ASTN2: variants seen among roughly 807,000 people sequenced by gnomAD.
ASTN2 encodes the protein astrotactin 2, also known as astrotactin-2.
ASTN2 carries 54 observed loss-of-function variants against 139.8 expected under a neutral mutation model. That is an observed-to-expected ratio of 0.39 (90% CI 0.31 to 0.48). The LOEUF (loss-of-function observed/expected upper bound fraction) is 0.48. Among genes scored for constraint, ASTN2 ranks in the 20% least tolerant of loss-of-function variants. ASTN2 has a pLI of 0.95. For missense variants in ASTN2, 1,565 were observed against 1,725.1 expected (o/e 0.91, Z 1.64); for synonymous variants, 756 against 719.5 (o/e 1.05, Z -0.81).
At chr9:116,803,522 A>ATTTTT (rs1158429877) in intron 13 of ASTN2, among the ~76,000 whole-genome samples, 214 of 21,026 alleles carry the variant, frequency 0.01, 11 homozygotes, top group Non-Finnish European at 0.013. Context: ...ATATATATAT[A>ATTTTT]TTTTTTTTTT....
chr9:117,382,750 GCA>G (rs1428031068), intron 1 of ASTN2, among the ~76,000 whole-genome samples: 2 of 152,194 alleles, frequency 1.3e-5, no homozygotes, highest in African/African-American at 4.8e-5. Context: ...AATGCCGTGA[GCA>G]CAGAGAGAGG....
chr9:116,544,786 G>A (rs572904927), intron 19 of ASTN2, among the ~76,000 whole-genome samples: 5 of 152,250 alleles, frequency 3.3e-5, no homozygotes, highest in South Asian at 4.1e-4. Flanking sequence ...AAGCCAAATC[G>A]GTGGGAAACA....
intron 5 of ASTN2, among the ~76,000 whole-genome samples, chr9:117,066,036 A>G (rs567218064): frequency 2.6e-4 from 38 of 147,168 alleles, no homozygotes; most frequent in African/African-American, 8.0e-4. Context: ...TTTTTATTAT[A>G]CTTTAAGTTT....
chr9:117,387,524 C>T (rs1263481973), intron 1 of ASTN2, among the ~76,000 whole-genome samples: 1 of 152,058 alleles, frequency 6.6e-6, no homozygotes, highest in East Asian at 1.9e-4. Context: ...GGGGTAGAGG[C>T]AAGATGTTTC....
intron 16 of ASTN2, among the ~76,000 whole-genome samples, chr9:116,724,994 G>A (rs1828577576): frequency 1.3e-5 from 2 of 152,182 alleles, no homozygotes; most frequent in South Asian, 2.1e-4. Context: ...TAAAATGGGA[G>A]TATGAATACA....
intron 3 of ASTN2, among the ~76,000 whole-genome samples, chr9:117,210,254 A>G (rs542620964): frequency 6.6e-6 from 1 of 152,152 alleles, no homozygotes; most frequent in Non-Finnish European, 1.5e-5. Flanking sequence ...AATAAAACAC[A>G]AAGTTGTTTT....
chr9:116,750,299 T>C (rs928618304), intron 13 of ASTN2, among the ~76,000 whole-genome samples: 1 of 152,198 alleles, frequency 6.6e-6, no homozygotes, highest in African/African-American at 2.4e-5. Flanking sequence ...TTTTTGAATG[T>C]TAACATTTAA....
At chr9:116,890,218 C>T (rs7035794) in intron 10 of ASTN2, among the ~76,000 whole-genome samples, 17,755 of 152,166 alleles carry the variant, frequency 0.12, 1,395 homozygotes, top group East Asian at 0.32. Flanking sequence ...TCATTAATTT[C>T]CTATTCCTTC....
intron 1 of ASTN2, among the ~76,000 whole-genome samples, chr9:117,319,768 T>A (rs926698670): frequency 2.0e-5 from 3 of 152,082 alleles, no homozygotes; most frequent in Non-Finnish European, 4.4e-5. Flanking sequence ...CAATGAGGTA[T>A]TTGAGTTTCC....
intron 1 of ASTN2, 44 bp from the exon 2 acceptor site, chr9:117,291,557 C>T (rs1264862920): frequency 1.3e-6 from 2 of 1,528,076 alleles, no homozygotes; most frequent in East Asian, 2.3e-5. Flanking sequence ...GTACGCCTGG[C>T]CTTGGTGCTC....
chr9:116,748,888 G>A (rs982172837), intron 13 of ASTN2, among the ~76,000 whole-genome samples: 2 of 152,128 alleles, frequency 1.3e-5, no homozygotes, highest in African/African-American at 4.8e-5. Flanking sequence ...TAATGCAAGT[G>A]TCCCCAAATG....
chr9:116,718,486 A>G (rs1280153831), intron 16 of ASTN2, among the ~76,000 whole-genome samples: 1 of 152,192 alleles, frequency 6.6e-6, no homozygotes, highest in Non-Finnish European at 1.5e-5. Context: ...TATAATGGTT[A>G]ATTTCATGCG....
At chr9:117,140,619 GGAGGAGGAGGAA>G (rs1052645015) in intron 4 of ASTN2, among the ~76,000 whole-genome samples, 2 of 151,316 alleles carry the variant, frequency 1.3e-5, no homozygotes, top group African/African-American at 4.9e-5. Context: ...AGGAGAAAGA[GGAGGAGGAGGAA>G]GAGGAGGAGG....
At chr9:117,333,395 A>G (rs1828778981) in intron 1 of ASTN2, among the ~76,000 whole-genome samples, 1 of 152,180 alleles carries the variant, frequency 6.6e-6, no homozygotes, top group South Asian at 2.1e-4. Context: ...TTTTTTCAAC[A>G]TCTCTAATAT....
intron 2 of ASTN2, among the ~76,000 whole-genome samples, chr9:117,216,848 G>C (rs970424920): frequency 6.6e-6 from 1 of 152,116 alleles, no homozygotes; most frequent in Non-Finnish European, 1.5e-5. Context: ...ATAAACACAA[G>C]GGCTGACCCT....
chr9:116,758,699 C>G (rs760116515), intron 13 of ASTN2, among the ~76,000 whole-genome samples: 5 of 152,002 alleles, frequency 3.3e-5, no homozygotes, highest in Non-Finnish European at 7.4e-5. Flanking sequence ...GCTGTGGCCT[C>G]GGAGCTTTCT....
chr9:116,938,908 A>G (rs1835151707), intron 10 of ASTN2, among the ~76,000 whole-genome samples: 1 of 152,166 alleles, frequency 6.6e-6, no homozygotes, highest in Admixed American at 6.5e-5. Context: ...TAACTCAACA[A>G]ACATTTACTT....
At chr9:116,629,990 T>A (rs1367285116) in intron 17 of ASTN2, among the ~76,000 whole-genome samples, 1 of 152,196 alleles carries the variant, frequency 6.6e-6, no homozygotes, top group Non-Finnish European at 1.5e-5. Context: ...TAGTCCCATA[T>A]TTCAGCTCCC....
chr9:116,970,139 A>G lies in ASTN2; in HGVS notation c.1889+5069T>C, dbSNP rs138922394. Among the ~76,000 whole-genome samples, 91 of 152,298 alleles carry G rather than the reference A, an allele frequency of 6.0e-4. 1 individual carries two copies. The highest frequency in any genetic ancestry group is 5.8e-3 in the East Asian group (30 of 5,186). ...CTTCTTTCTTATAAGGGTACTCATTATGGTGTTTCAGACCTGTCCAGATAA... is the reference window on the plus strand; with the variant it reads ...CTTCTTTCTTATAAGGGTACTCATTGTGGTGTTTCAGACCTGTCCAGATAA... On this transcript the variant is annotated intron_variant, in intron 10 of 22. Transcript: ENST00000313400.
Sources: gnomAD v4.1 joint callset for allele counts (sites outside exome capture counted in the v4.1 genomes callset) on GRCh38, gnomAD v4.1.1 for gene constraint, MANE v1.5 for transcripts, NCBI Gene and HGNC (gene_info 2026-07-23, HGNC 2026-07-21) for gene names.